AASDHPPT: variants seen among roughly 807,000 people sequenced by gnomAD.
AASDHPPT encodes L-aminoadipate-semialdehyde dehydrogenase-phosphopantetheinyl transferase.
AASDHPPT carries 23 observed loss-of-function variants against 36.4 expected under a neutral mutation model. The observed-to-expected ratio is 0.63, with a 90% CI of 0.45 to 0.89. The LOEUF is 0.89. Ranked by LOEUF, AASDHPPT falls within the 40% of genes least tolerant of loss-of-function variation. The probability of loss-of-function intolerance (pLI) is 0.00; values close to 1 mark genes in which losing one functional copy is unlikely to be tolerated. For synonymous variants in AASDHPPT, 115 were observed against 128.0 expected (o/e 0.90, Z 0.68); for missense variants, 377 against 378.2 (o/e 1.00, Z 0.03).
chr11:106,081,630 A>C (rs1861142416), intron 2 of AASDHPPT, among the ~76,000 whole-genome samples: 1 of 115,296 alleles, frequency 8.7e-6, no homozygotes, highest in South Asian at 2.5e-4. Flanking sequence ...ACTACCTGGT[A>C]ATAATTGGCC....
chr11:106,077,693 G>C lies in AASDHPPT; in HGVS notation c.-18G>C, dbSNP rs183813097. On this transcript the variant is annotated 5_prime_UTR_variant, in exon 1 of 6. Coordinates refer to ENST00000278618, the MANE Select transcript of AASDHPPT (RefSeq NM_015423.3). ...GCGCCATCAGGCCCGAGATAGCGGC[G>C]AGGTCCGCTTTCAGTGTATGGTTTT... 225 of 1,605,208 alleles carry C rather than the reference G, an allele frequency of 1.4e-4. No homozygotes were observed. In the African/African-American group the frequency reaches 2.5e-3, roughly 18 times the overall value.
intron 2 of AASDHPPT, 39 bp from the exon 3 acceptor site, chr11:106,090,518 A>G (rs1861244369): frequency 1.3e-6 from 2 of 1,507,626 alleles, no homozygotes; most frequent in Non-Finnish European, 1.8e-6. Flanking sequence ...TTATTTTTTA[A>G]TAGAACTGCT....
chr11:106,093,371 T>A (rs1462473483), intron 4 of AASDHPPT: 1 of 152,176 alleles, frequency 6.6e-6, no homozygotes, highest in Non-Finnish European at 1.5e-5. Context: ...TATGCTAAAT[T>A]TCTGAAAAAT....
At chr11:106,091,629 T>C in intron 4 of AASDHPPT, 152 bp downstream of exon 4, 1 of 678,798 alleles carries the variant, frequency 1.5e-6, no homozygotes, top group Non-Finnish European at 2.3e-6. Flanking sequence ...TATGAGAGCA[T>C]GTAACATTTA....
At chr11:106,087,387 A>C (rs1468046259) in intron 2 of AASDHPPT, among the ~76,000 whole-genome samples, 1 of 152,130 alleles carries the variant, frequency 6.6e-6, no homozygotes, top group Admixed American at 6.5e-5. Flanking sequence ...ATATAATTCT[A>C]TTATATACAG....
rs1364597531 is a variant in AASDHPPT, at chr11:106,097,199, A to G, written c.*292A>G. On this transcript the variant is annotated 3_prime_UTR_variant, in exon 6 of 6. Coordinates refer to ENST00000278618, the MANE Select transcript of AASDHPPT (RefSeq NM_015423.3). ...AGAAAATGCACATAAGCAAAAGGAA[A>G]CATTTAAATGCTATCTTTCAAAGAT... The G allele has an allele frequency of 4.3e-6, 1 of 233,268 alleles. No homozygotes were observed. Among genetic ancestry groups the G allele is most frequent in the African/African-American group, 2.3e-5 (1 of 43,878 alleles). The allele number at this position is 233,268 out of a possible 1,614,324, so 14.4% of individuals were successfully genotyped here.
chr11:106,079,680 A>C lies in AASDHPPT; in HGVS notation c.397A>C (p.Thr133Pro). The C allele has an allele frequency of 1.9e-6, 3 of 1,613,926 alleles. No individual in the cohort carries two copies. The highest frequency in any genetic ancestry group is 2.5e-6 in the Non-Finnish European group (3 of 1,179,860). ...GCAAGTTGGAATTGATATAATGAAGACTAGTTTTCCAGGTAACGTTGCATT... is the reference window on the plus strand; with the variant it reads ...GCAAGTTGGAATTGATATAATGAAGCCTAGTTTTCCAGGTAACGTTGCATT... ...ELQVGIDIMK[T>P]SFPGRGSIPE... The change falls in exon 2 of 6, where the codon ACT becomes CCT. Residue 133 changes from threonine (T) to proline (P), a missense_variant. Transcript: ENST00000278618.
chr11:106,079,779 A>G, intron 2 of AASDHPPT, 87 bp downstream of exon 2: 1 of 1,164,750 alleles, frequency 8.6e-7, no homozygotes, highest in Non-Finnish European at 1.2e-6. Context: ...CAGGAGATGT[A>G]TTAGAGATAT....
chr11:106,089,097 C>T (rs373976112), intron 2 of AASDHPPT, among the ~76,000 whole-genome samples: 6 of 151,970 alleles, frequency 3.9e-5, no homozygotes, highest in South Asian at 2.1e-4. Context: ...TCATGCGGTT[C>T]GTGGTACCTA....
chr11:106,094,960 T>C (rs1001819875), intron 5 of AASDHPPT, among the ~76,000 whole-genome samples: 1 of 152,008 alleles, frequency 6.6e-6, no homozygotes, highest in Non-Finnish European at 1.5e-5. Flanking sequence ...ACCCCATCTC[T>C]ACTAAAAATA....
rs750365556 is a variant in AASDHPPT, at chr11:106,097,874, G to A, written c.*967G>A. On this transcript the variant is annotated 3_prime_UTR_variant, in exon 6 of 6. Transcript: ENST00000278618. ...AAGCCCACTGCCTTCCCATAAGAAA[G>A]GTTTACCATAATTTACTCACTTTTT... is the stretch of plus-strand genomic sequence containing the variant. 6.6e-6 allele frequency: 1 copy of A among 152,040 alleles called. No homozygotes were observed. Among genetic ancestry groups the A allele is most frequent in the Non-Finnish European group, 1.5e-5 (1 of 67,974 alleles). 9.4% of individuals were successfully genotyped at this position (152,040 alleles called of 1,614,324 possible).
At chr11:106,086,809 G>A (rs1203440634) in intron 2 of AASDHPPT, among the ~76,000 whole-genome samples, 1 of 152,168 alleles carries the variant, frequency 6.6e-6, no homozygotes, top group African/African-American at 2.4e-5. Context: ...GGTAGGAGAG[G>A]CATAGGATAG....
intron 2 of AASDHPPT, among the ~76,000 whole-genome samples, chr11:106,084,306 C>G (rs193107769): frequency 1.3e-5 from 2 of 152,140 alleles, no homozygotes; most frequent in East Asian, 1.9e-4. Context: ...GTTTATAGTA[C>G]TCTATCCAAA....
chr11:106,079,102 A>G (rs906939563), intron 1 of AASDHPPT, among the ~76,000 whole-genome samples: 4 of 152,244 alleles, frequency 2.6e-5, no homozygotes, highest in Non-Finnish European at 5.9e-5. Context: ...ATACTTCCCA[A>G]TACTTATAAA....
At chr11:106,081,392 A>G (rs1009041289) in intron 2 of AASDHPPT, among the ~76,000 whole-genome samples, 4 of 152,218 alleles carry the variant, frequency 2.6e-5, no homozygotes, top group Admixed American at 6.5e-5. Context: ...TTACCTCCTG[A>G]AACTGTATGC....
rs1861324900 is a variant in AASDHPPT, at chr11:106,097,253, T to G, written c.*346T>G. On this transcript the variant is annotated 3_prime_UTR_variant, in exon 6 of 6. Coordinates refer to ENST00000278618, the MANE Select transcript of AASDHPPT (RefSeq NM_015423.3). The stretch of plus-strand genomic sequence containing the variant: ...TACTCTTAAAACCTTGAGTATCTTT[T>G]CAGACCTTTTTCTTGGCAAATGAAT... The G allele has an allele frequency of 5.6e-6, 1 of 178,964 alleles. No homozygotes were observed. Among genetic ancestry groups the G allele is most frequent in the Non-Finnish European group, 1.2e-5 (1 of 86,528 alleles). The allele number at this position is 178,964 out of a possible 1,614,324, so 11.1% of individuals were successfully genotyped here. A position where few individuals can be genotyped will look rare whatever the true frequency, so the allele number is the denominator to read the frequency against.
Position 106,098,267 on chromosome 11 carries a change from A to G in AASDHPPT, c.*1360A>G, listed in dbSNP as rs978283667. 2.8e-4 allele frequency: 43 copies of G among 152,100 alleles called. No individual in the cohort carries two copies. The highest frequency in any genetic ancestry group is 1.0e-3 in the African/African-American group (42 of 41,436). 9.4% of individuals were successfully genotyped at this position (152,100 alleles called of 1,614,324 possible). On this transcript the variant is annotated 3_prime_UTR_variant, in exon 6 of 6. Coordinates refer to ENST00000278618, the MANE Select transcript of AASDHPPT (RefSeq NM_015423.3). ...GGCTTTTCGTATTCCTCTTAACGTG[A>G]ACCGTCTGTTCATTGTTTTTACCTG...
rs1406133350 is a variant in AASDHPPT at position 106,098,657 on chromosome 11, G to A, written c.*1750G>A. 1 of 151,786 alleles carries A rather than the reference G, an allele frequency of 6.6e-6. No individual in the cohort carries two copies. Among genetic ancestry groups the A allele is most frequent in the African/African-American group, 2.4e-5 (1 of 41,356 alleles). 9.4% of individuals were successfully genotyped at this position (151,786 alleles called of 1,614,324 possible). A position where few individuals can be genotyped will look rare whatever the true frequency, so the allele number is the denominator to read the frequency against. On this transcript the variant is annotated 3_prime_UTR_variant, in exon 6 of 6. Coordinates refer to ENST00000278618, the MANE Select transcript of AASDHPPT (RefSeq NM_015423.3). Reference sequence around the variant, plus strand: ...ATGGTGATATGAAAAACTTTGTCTTGTCATTATAATAATAAAAAAATGAAC... The same window carrying A: ...ATGGTGATATGAAAAACTTTGTCTTATCATTATAATAATAAAAAAATGAAC...
Position 106,077,891 on chromosome 11 carries a change from A to T in AASDHPPT, c.181A>T (p.Met61Leu), listed in dbSNP as rs145740158. 10 of 1,613,918 alleles carry T rather than the reference A, an allele frequency of 6.2e-6. No individual in the cohort carries two copies. The highest frequency in any genetic ancestry group is 1.1e-5 in the South Asian group (1 of 91,080). Residue 61 changes from methionine to leucine, a missense_variant and splice_region_variant, in exon 1 of 6, where the codon ATG becomes TTG. Physicochemically the swap from Met to Leu is conservative, Grantham distance 15 (BLOSUM62 2). Transcript: ENST00000278618. Reference sequence around the variant, plus strand: ...CTTTGCCCGGGACGCTAAGGCAGCCATGGTACTACAGGTCTTTTTTGGTAT... The same window carrying T: ...CTTTGCCCGGGACGCTAAGGCAGCCTTGGTACTACAGGTCTTTTTTGGTAT... The part of the protein sequence containing the change: ...FVFARDAKAA[M>L]AGRLMIRKLV...
Sources: allele counts gnomAD v4.1 joint callset (sites outside exome capture counted in the v4.1 genomes callset), GRCh38; gene constraint gnomAD v4.1.1; transcripts MANE v1.5; gene names NCBI Gene and HGNC (gene_info 2026-07-23, HGNC 2026-07-21).